ROS1: variants seen among roughly 807,000 people sequenced by gnomAD.
ROS1 encodes ROS proto-oncogene 1, receptor tyrosine kinase, also known as proto-oncogene tyrosine-protein kinase ROS.
In ROS1, 263 loss-of-function variants were observed where a neutral mutation model predicts 273.5. The ratio of observed to expected loss-of-function variants is 0.96; its 90% CI spans 0.87 to 1.06. ROS1 has a LOEUF of 1.06. Among genes scored for constraint, ROS1 ranks in the 50% least tolerant of loss-of-function variants. The pLI, the probability that ROS1 is intolerant of heterozygous loss-of-function variation, is 0.00. For missense variants in ROS1, 2,833 were observed against 2,751.1 expected (o/e 1.03, Z -0.67); for synonymous variants, 1,008 against 954.1 (o/e 1.06, Z -1.04).
intron 38 of ROS1, 89 bp downstream of exon 38, chr6:117,318,099 G>C (rs9282844): frequency 2.2e-6 from 2 of 910,596 alleles, no homozygotes; most frequent in Non-Finnish European, 3.6e-6. Flanking sequence ...GTCATGATCC[G>C]TTAAGTCATG....
rs1355678032 is a variant in ROS1, at chr6:117,310,142, C to T, written c.6355G>A (p.Val2119Ile). The T allele has an allele frequency of 6.2e-7, 1 of 1,613,530 alleles. No homozygotes were observed. Among genetic ancestry groups the T allele is most frequent in the Admixed American group, 1.7e-5 (1 of 59,920 alleles). The change falls in exon 41 of 44, where the codon GTT (valine) becomes ATT (isoleucine). Residue 2119 changes from valine to isoleucine, a missense_variant. Val to Ile is a conservative substitution (Grantham distance 29). Coordinates refer to ENST00000368507, the MANE Select transcript of ROS1 (RefSeq NM_001378902.1). ...AAACTTTCTGGAGCCATCCACCGAA[C>T]TGGGAGCAGGCCTTCCCCTCTCTTT... ...YRKRGEGLLP[V>I]RWMAPESLMD...
Position 117,383,237 on chromosome 6 carries a change from C to T in ROS1, c.2481+80G>A, listed in dbSNP as rs1562342131. 4 of 1,129,544 alleles carry T rather than the reference C, an allele frequency of 3.5e-6. No homozygotes were observed. In the East Asian group the frequency reaches 7.1e-5, roughly 20 times the overall value. 70.0% of individuals were successfully genotyped at this position (1,129,544 alleles called of 1,614,324 possible). ...CCTTTAGGAGTCTGCTTTAAGTACT[C>T]ACAATAAGCGAGAGAAAGTATTATC... is the stretch of plus-strand genomic sequence containing the variant. On this transcript the variant is annotated intron_variant, in intron 17 of 43. Transcript: ENST00000368507.
chr6:117,417,472 C>A (rs1775422733), intron 2 of ROS1, among the ~76,000 whole-genome samples: 1 of 151,888 alleles, frequency 6.6e-6, no homozygotes, highest in Non-Finnish European at 1.5e-5. Flanking sequence ...AGGAAGGACC[C>A]CTCTTGTTCC....
Position 117,386,933 on chromosome 6 carries a change from A to G in ROS1, c.2066T>C (p.Phe689Ser), listed in dbSNP as rs748525048. ...DGLWSKPLNS[F>S]GPGEFLSSDI... ...AGAGGATAAGAACTCTCCTGGGCCA[A>G]AGCTATTTAATGGTTTACTCCAAAG... Residue 689 changes from phenylalanine (F) to serine (S), a missense_variant, in exon 15 of 44, where the codon TTT (phenylalanine) becomes TCT (serine). By Grantham distance (155) the Phe-to-Ser change is radical (BLOSUM62 -2). Coordinates refer to ENST00000368507, the MANE Select transcript of ROS1 (RefSeq NM_001378902.1). 2 of 1,612,936 alleles carry G rather than the reference A, an allele frequency of 1.2e-6. No homozygotes were observed. The highest frequency in any genetic ancestry group is 2.2e-5 in the South Asian group (2 of 91,008).
chr6:117,360,792 A>G (rs909390329), intron 22 of ROS1, among the ~76,000 whole-genome samples: 1 of 152,116 alleles, frequency 6.6e-6, no homozygotes, highest in African/African-American at 2.4e-5. Context: ...ATATATATCA[A>G]TTGAATATTT....
At position 117,404,398 on chromosome 6, in the gene ROS1, G is replaced by A; in HGVS notation, c.347C>T (p.Ala116Val). 1 of 1,613,888 alleles carries A rather than the reference G, an allele frequency of 6.2e-7. No homozygotes were observed. The highest frequency in any genetic ancestry group is 8.5e-7 in the Non-Finnish European group (1 of 1,179,928). The stretch of plus-strand genomic sequence containing the variant: ...CATATTGTGGCTTCCAATGGAAGAA[G>A]CAAAGGGAGCAGTTGGTAGGTCTGC... ...ENADLPTAPF[A>V]SSIGSHNMTL... is the part of the protein sequence containing the mutation. Residue 116 changes from alanine to valine, a missense_variant, in exon 6 of 44, where the codon GCT becomes GTT. Ala to Val is a moderately conservative substitution (Grantham distance 64). Transcript: ENST00000368507.
At chr6:117,352,359 C>T (rs1778943775) in intron 27 of ROS1, among the ~76,000 whole-genome samples, 1 of 152,188 alleles carries the variant, frequency 6.6e-6, no homozygotes, top group South Asian at 2.1e-4. Flanking sequence ...TAACATGATA[C>T]ATGCCTTTCT....
At chr6:117,306,708 G>A (rs1383947072) in intron 42 of ROS1, among the ~76,000 whole-genome samples, 1 of 152,176 alleles carries the variant, frequency 6.6e-6, no homozygotes, top group Non-Finnish European at 1.5e-5. Context: ...CTGGGCCTGT[G>A]ATCTCAGAAA....
At chr6:117,341,696 A>G (rs1777941906) in intron 29 of ROS1, 64 bp from the exon 30 acceptor site, 9 of 1,283,160 alleles carry the variant, frequency 7.0e-6, no homozygotes, top group Admixed American at 3.6e-5. Flanking sequence ...GAAAGAAGTA[A>G]TGGAGTTTGG....
intron 5 of ROS1, among the ~76,000 whole-genome samples, chr6:117,405,447 CTTG>C (rs1774320071): frequency 6.6e-6 from 1 of 152,066 alleles, no homozygotes; most frequent in Non-Finnish European, 1.5e-5. Flanking sequence ...CCTTCCCTTT[CTTG>C]TTGTGAGACT....
chr6:117,365,595 T>TAA lies in ROS1; in HGVS notation c.2942_2943dup (p.Ser982LeufsTer94). 6.2e-7 allele frequency: 1 copy of TAA among 1,613,330 alleles called. No individual in the cohort carries two copies. Among genetic ancestry groups the TAA allele is most frequent in the East Asian group, 2.2e-5 (1 of 44,868 alleles). On this transcript the variant is annotated frameshift_variant, in exon 20 of 44. Transcript: ENST00000368507. LOFTEE classifies it high-confidence loss of function. ...CAACACCATACCTTAGAATGAGCAC[T>TAA]AAATTCTACACTGTAGAAAACTACA...
chr6:117,385,531 T>C (rs1310538935), intron 16 of ROS1, 152 bp downstream of exon 16: 2 of 667,946 alleles, frequency 3.0e-6, no homozygotes, highest in Non-Finnish European at 2.3e-6. Flanking sequence ...AAAAAAAAAA[T>C]GTTTAAGTGA....
rs1466909342 is a variant in ROS1 at position 117,366,294 on chromosome 6, C to T, written c.2583-4G>A. 1.9e-6 allele frequency: 3 copies of T among 1,611,676 alleles called. No individual in the cohort carries two copies. The African/African-American group carries it at 4.0e-5, about 22-fold the overall frequency. On this transcript the variant is annotated splice_region_variant and splice_polypyrimidine_tract_variant and intron_variant, in intron 18 of 43. Coordinates refer to ENST00000368507, the MANE Select transcript of ROS1 (RefSeq NM_001378902.1). ...TGTGATGGTGGTATCCCCAGTGCTG[C>T]TAAAACATAACACCAATTAGTGTGT...
chr6:117,301,701 A>G (rs1306517748), intron 42 of ROS1: 4 of 152,284 alleles, frequency 2.6e-5, no homozygotes, highest in African/African-American at 9.6e-5. Flanking sequence ...GTCAATCATA[A>G]TGTATCAACA....
chr6:117,344,446 C>T (rs1199374718), intron 27 of ROS1, among the ~76,000 whole-genome samples, 184 bp from the exon 28 acceptor site: 1 of 152,130 alleles, frequency 6.6e-6, no homozygotes, highest in Non-Finnish European at 1.5e-5. Flanking sequence ...ACAAAAATGG[C>T]TGCAGCTTGA....
chr6:117,405,276 C>A (rs930806916), intron 5 of ROS1, among the ~76,000 whole-genome samples: 1 of 152,108 alleles, frequency 6.6e-6, no homozygotes, highest in African/African-American at 2.4e-5. Context: ...CAGACACGGA[C>A]CAAATAAAGT....
chr6:117,386,485 C>A (rs1172151036), intron 15 of ROS1, among the ~76,000 whole-genome samples: 3 of 152,220 alleles, frequency 2.0e-5, no homozygotes, highest in Non-Finnish European at 2.9e-5. Flanking sequence ...CTTTGTCAAC[C>A]AATTATTCCT....
chr6:117,410,854 C>T (rs1774844810), intron 4 of ROS1, among the ~76,000 whole-genome samples: 1 of 152,108 alleles, frequency 6.6e-6, no homozygotes, highest in South Asian at 2.1e-4. Flanking sequence ...ATTTAAATAC[C>T]TCAGTTTGGG....
chr6:117,295,040 A>G (rs1440242471), intron 43 of ROS1, among the ~76,000 whole-genome samples: 1 of 152,198 alleles, frequency 6.6e-6, no homozygotes, highest in Non-Finnish European at 1.5e-5. Flanking sequence ...AAAGAATCAC[A>G]TTACTGGATT....
Sources: allele counts gnomAD v4.1 joint callset (sites outside exome capture counted in the v4.1 genomes callset), GRCh38; gene constraint gnomAD v4.1.1; transcripts MANE v1.5; gene names NCBI Gene and HGNC (gene_info 2026-07-23, HGNC 2026-07-21).